The following EIF2AK2 variants were observed in gnomAD, a reference collection of about 807,000 sequenced individuals.
The protein encoded by EIF2AK2 is eukaryotic translation initiation factor 2 alpha kinase 2, also known as interferon-induced, double-stranded RNA-activated protein kinase.
Under a neutral mutation model 70.5 loss-of-function variants are expected in EIF2AK2, and 40 were observed. The observed-to-expected ratio is 0.57, with a 90% CI of 0.44 to 0.74. The LOEUF is 0.74. Ranked by LOEUF, EIF2AK2 falls within the 30% of genes least tolerant of loss-of-function variation. The pLI is 0.00. For synonymous variants in EIF2AK2, 198 were observed against 220.9 expected, an observed-to-expected ratio of 0.90 and a Z score of 0.92; for missense variants, 555 against 644.3, an observed-to-expected ratio of 0.86 and a Z score of 1.50.
intron 11 of EIF2AK2, among the ~76,000 whole-genome samples, chr2:37,124,987 C>G (rs1674681750): frequency 6.6e-6 from 1 of 151,916 alleles, no homozygotes; most frequent in Non-Finnish European, 1.5e-5. Context: ...CTCAGCCTCC[C>G]TAAATAGTAT....
intron 3 of EIF2AK2, among the ~76,000 whole-genome samples, chr2:37,147,448 G>A (rs1675587734): frequency 6.9e-6 from 1 of 144,268 alleles, no homozygotes; most frequent in African/African-American, 2.6e-5. Flanking sequence ...ATCTCCTAAT[G>A]CTATCCCTCC....
chr2:37,139,784 T>A (rs1675264666), intron 5 of EIF2AK2, 27 bp from the exon 6 acceptor site: 2 of 1,587,542 alleles, frequency 1.3e-6, no homozygotes, highest in African/African-American at 2.7e-5. Context: ...AAGGTACTTA[T>A]CCAAACATGA....
intron 14 of EIF2AK2, among the ~76,000 whole-genome samples, chr2:37,112,748 T>G (rs1467557956): frequency 6.6e-6 from 1 of 152,258 alleles, no homozygotes; most frequent in Non-Finnish European, 1.5e-5. Flanking sequence ...TAATATTTTA[T>G]TGTGGTAAAA....
intron 1 of EIF2AK2, among the ~76,000 whole-genome samples, chr2:37,154,986 A>G (rs1265737624): frequency 6.7e-6 from 1 of 150,020 alleles, no homozygotes; most frequent in Non-Finnish European, 1.5e-5. Flanking sequence ...TCTTTTCTAG[A>G]TATTCTAGCA....
At chr2:37,138,108 C>CAAAAA (rs59032875) in intron 8 of EIF2AK2, among the ~76,000 whole-genome samples, 162 bp downstream of exon 8, 1 of 67,156 alleles carries the variant, frequency 1.5e-5, no homozygotes, top group Non-Finnish European at 3.3e-5. Context: ...GACTCCATCT[C>CAAAAA]AAAAAAAAAA....
Position 37,102,817 on chromosome 2 carries a change from A to G in EIF2AK2, c.*4456T>C, listed in dbSNP as rs1419271780. 1 of 152,212 alleles carries G rather than the reference A, an allele frequency of 6.6e-6. No homozygotes were observed. Among genetic ancestry groups the G allele is most frequent in the Non-Finnish European group, 1.5e-5 (1 of 68,040 alleles). 9.4% of individuals were successfully genotyped at this position (152,212 alleles called of 1,614,324 possible). Reference sequence around the variant, plus strand: ...ACCACATACCCACATGTATATATGCATATATTGTGTACATATGTATATACA... The same window carrying G: ...ACCACATACCCACATGTATATATGCGTATATTGTGTACATATGTATATACA... On this transcript the variant is annotated 3_prime_UTR_variant, in exon 17 of 17. Transcript: ENST00000233057.
chr2:37,133,407 A>G (rs771029825), intron 10 of EIF2AK2, among the ~76,000 whole-genome samples: 5 of 152,140 alleles, frequency 3.3e-5, no homozygotes, highest in Non-Finnish European at 5.9e-5. Flanking sequence ...CTGACAAAAT[A>G]CAACTCCTTT....
At chr2:37,156,503 T>C (rs907374974) in intron 1 of EIF2AK2, among the ~76,000 whole-genome samples, 7 of 152,254 alleles carry the variant, frequency 4.6e-5, no homozygotes, top group Non-Finnish European at 8.8e-5. Flanking sequence ...TAGCCAAAGA[T>C]TGTTCAGCCA....
At chr2:37,155,034 T>A (rs1675876767) in intron 1 of EIF2AK2, among the ~76,000 whole-genome samples, 1 of 152,100 alleles carries the variant, frequency 6.6e-6, no homozygotes. Context: ...CTTTTCTACT[T>A]GGACTCACTC....
intron 7 of EIF2AK2, 43 bp from the exon 8 acceptor site, chr2:37,138,406 T>C: frequency 6.2e-7 from 1 of 1,600,594 alleles, no homozygotes; most frequent in Non-Finnish European, 8.5e-7. Flanking sequence ...AATTCTGTTT[T>C]TATCACTTAT....
intron 14 of EIF2AK2, among the ~76,000 whole-genome samples, chr2:37,113,683 T>C (rs977313887): frequency 1.3e-5 from 2 of 151,998 alleles, no homozygotes; most frequent in African/African-American, 4.8e-5. Context: ...TGGGAAAGGA[T>C]ATGAGTAGAG....
chr2:37,121,286 CG>C, intron 12 of EIF2AK2, among the ~76,000 whole-genome samples: 1 of 97,002 alleles, frequency 1.0e-5, no homozygotes, highest in East Asian at 2.8e-4. Context: ...AAAAAAAAAA[CG>C]AGAAGAAAAA....
At chr2:37,146,468 G>A (rs368426433) in intron 4 of EIF2AK2, among the ~76,000 whole-genome samples, 1 of 152,184 alleles carries the variant, frequency 6.6e-6, no homozygotes, top group East Asian at 1.9e-4. Context: ...AGTGACCACT[G>A]TACATTATTC....
intron 12 of EIF2AK2, among the ~76,000 whole-genome samples, chr2:37,121,002 G>C (rs1266221722): frequency 3.4e-5 from 5 of 148,622 alleles, no homozygotes; most frequent in African/African-American, 1.2e-4. Flanking sequence ...GGTGGCTCAC[G>C]CATGTAATCC....
chr2:37,103,462 C>G lies in EIF2AK2; in HGVS notation c.*3811G>C, dbSNP rs911000374. 1 of 152,230 alleles carries G rather than the reference C, an allele frequency of 6.6e-6. No individual in the cohort carries two copies. Among genetic ancestry groups the G allele is most frequent in the Non-Finnish European group, 1.5e-5 (1 of 68,084 alleles). The allele number at this position is 152,230 out of a possible 1,614,324, so 9.4% of individuals were successfully genotyped here. ...CCACCCGTCTCGGCCTCCCAGAGTG[C>G]TGGGATTATAGGCGTGAGCCACCAT... On this transcript the variant is annotated 3_prime_UTR_variant, in exon 17 of 17. Transcript: ENST00000233057.
chr2:37,141,648 C>A lies in EIF2AK2; in HGVS notation c.294G>T (p.Met98Ile). 6.2e-7 allele frequency: 1 copy of A among 1,613,952 alleles called. No homozygotes were observed. The highest frequency in any genetic ancestry group is 8.5e-7 in the Non-Finnish European group (1 of 1,179,948). ...TATTGATAAGGCCTATGTAATTCCC[C>A]ATGGATAATCCTTCTGAAGAATTCG... ...TTTNSSEGLS[M>I]GNYIGLINRI... The change falls in exon 5 of 17, where the codon ATG (methionine) becomes ATT (isoleucine). Residue 98 changes from methionine (M) to isoleucine (I), a missense_variant. Around this residue, in one of 3 missense-constraint regions of EIF2AK2, gnomAD observed 208 missense variants for 191.8 expected, o/e 1.08. Transcript: ENST00000233057.
intron 10 of EIF2AK2, among the ~76,000 whole-genome samples, chr2:37,130,451 T>C (rs1021466597): frequency 2.0e-5 from 3 of 152,072 alleles, no homozygotes; most frequent in African/African-American, 7.2e-5. Flanking sequence ...ATACTCCTAT[T>C]CTCCCAATTA....
intron 5 of EIF2AK2, among the ~76,000 whole-genome samples, chr2:37,140,178 GAGGTTAT>G (rs1675279509): frequency 6.6e-6 from 1 of 152,184 alleles, no homozygotes; most frequent in Non-Finnish European, 1.5e-5. Flanking sequence ...GAGAAGCTAT[GAGGTTAT>G]AGTGTAGGGG....
At chr2:37,111,606 T>A (rs1180516599) in intron 14 of EIF2AK2, among the ~76,000 whole-genome samples, 1 of 150,884 alleles carries the variant, frequency 6.6e-6, no homozygotes, top group Non-Finnish European at 1.5e-5. Flanking sequence ...GTAATCCTAG[T>A]ACTTTGGGAG....
Sources: gnomAD v4.1 joint callset for allele counts (sites outside exome capture counted in the v4.1 genomes callset) on GRCh38, gnomAD v4.1.1 for gene constraint, gnomAD v4.1.1 regional missense constraint, MANE v1.5 for transcripts, NCBI Gene and HGNC (gene_info 2026-07-23, HGNC 2026-07-21) for gene names.